The following ATXN10 variants were observed in gnomAD, a reference collection of about 807,000 sequenced individuals.
ATXN10 encodes ataxin 10.
A neutral mutation model predicts 52.9 loss-of-function variants in ATXN10; 28 were observed. The ratio of observed to expected loss-of-function variants is 0.53; its 90% confidence interval spans 0.39 to 0.73. ATXN10 has a LOEUF of 0.73. Among genes scored for constraint, ATXN10 ranks in the 30% least tolerant of loss-of-function variants. The pLI, the probability that ATXN10 is intolerant of heterozygous loss-of-function variation, is 0.00. For missense variants in ATXN10, 565 were observed against 577.0 expected, an observed-to-expected ratio of 0.98 and a Z score of 0.21; for synonymous variants, 226 against 221.5, an observed-to-expected ratio of 1.02 and a Z score of -0.18.
chr22:45,700,614 A>C (rs569407733), intron 4 of ATXN10, among the ~76,000 whole-genome samples: 112 of 152,336 alleles, frequency 7.4e-4, no homozygotes, highest in African/African-American at 2.6e-3. Flanking sequence ...ATACATATCC[A>C]AACTTTGTTC....
rs1459166859 is a variant in ATXN10 at position 45,698,795 on chromosome 22, A to G, written c.392-1487A>G. On this transcript the variant is annotated intron_variant, in intron 3 of 11. Transcript: ENST00000252934. ...ATTTTAGTTGGAATTCAGCAATGAA[A>G]TTTGGATTCAACAGTGAAACTTAGA... Among the ~76,000 whole-genome samples, 6 of 152,210 alleles carry G rather than the reference A, an allele frequency of 3.9e-5. No individual in the cohort carries two copies. The East Asian group carries it at 1.2e-3, about 29-fold the overall frequency.
At position 45,708,882 on chromosome 22, in the gene ATXN10, C is replaced by T. The variant is rs1569031096; in HGVS notation, c.647+6035C>T. The stretch of plus-strand genomic sequence containing the variant: ...TCTTGAACTCCTGACCTCAGGTGAT[C>T]TCCCCGCCTGTCTCCCAAAGTGCTG... On this transcript the variant is annotated intron_variant, in intron 5 of 11. Coordinates refer to ENST00000252934, the MANE Select transcript of ATXN10 (RefSeq NM_013236.4). The surrounding 1 kb of genome is among the most constrained non-coding windows in gnomAD (Gnocchi z 5.3). 6.6e-6 allele frequency among the ~76,000 whole-genome samples: 1 copy of T among 152,188 alleles called. No homozygotes were observed. The highest frequency in any genetic ancestry group is 1.9e-4 in the East Asian group (1 of 5,188).
Position 45,818,480 on chromosome 22 carries a change from T to C in ATXN10, c.1237+11458T>C, listed in dbSNP as rs1350984928. On this transcript the variant is annotated intron_variant, in intron 10 of 11. Coordinates refer to ENST00000252934, the MANE Select transcript of ATXN10 (RefSeq NM_013236.4). This position sits in a 1 kb window ranked among gnomAD's most constrained non-coding sequence, Gnocchi z 4.6. Reference sequence around the variant, plus strand: ...TTAAAAGCAAGACTCTGCATGCTTATTCTCACATCAGTCAGAAGACGCCAG... The same window carrying C: ...TTAAAAGCAAGACTCTGCATGCTTACTCTCACATCAGTCAGAAGACGCCAG... 1.3e-5 allele frequency among the ~76,000 whole-genome samples: 2 copies of C among 152,170 alleles called. No homozygotes were observed. The highest frequency in any genetic ancestry group is 2.4e-5 in the African/African-American group (1 of 41,438).
In ATXN10 at chr22:45,805,800, T is replaced by C. The variant is rs545131843; in HGVS notation, c.1174-1159T>C. Among the ~76,000 whole-genome samples the C allele has an allele frequency of 1.3e-5, 2 of 152,298 alleles. No homozygotes were observed. Among genetic ancestry groups the C allele is most frequent in the South Asian group, 4.2e-4 (2 of 4,816 alleles). ...GCTAATGGTTATATAACTCTGTGAA[T>C]ATACTGAAAACCACCAAATTGCACA... On this transcript the variant is annotated intron_variant, in intron 9 of 11. Coordinates refer to ENST00000252934, the MANE Select transcript of ATXN10 (RefSeq NM_013236.4). This position sits in a 1 kb window ranked among gnomAD's most constrained non-coding sequence, Gnocchi z 4.4.
intron 10 of ATXN10, among the ~76,000 whole-genome samples, chr22:45,811,028 G>C (rs2146889073): frequency 6.6e-6 from 1 of 152,280 alleles, no homozygotes; most frequent in Non-Finnish European, 1.5e-5. Flanking sequence ...ATTAGGTCAA[G>C]TTTGTAAATG....
At chr22:45,809,341 T>A (rs996485853) in intron 10 of ATXN10, among the ~76,000 whole-genome samples, 1 of 152,244 alleles carries the variant, frequency 6.6e-6, no homozygotes, top group Non-Finnish European at 1.5e-5. Flanking sequence ...TTCCTTTATT[T>A]TTTTAATTCA....
rs773259002 is a variant in ATXN10, at chr22:45,677,491, A to G, written c.116+5312A>G. On this transcript the variant is annotated intron_variant, in intron 1 of 11. Transcript: ENST00000252934. This position sits in a 1 kb window ranked among gnomAD's most constrained non-coding sequence, Gnocchi z 4.1. ...CGTTGGTGTTTAATTTAAAAATTAA[A>G]AAAAAATTCAGGCCAAAAGGTCTTA... is the stretch of plus-strand genomic sequence containing the variant. The G allele has an allele frequency of 9.9e-5, 15 of 151,170 alleles. No individual in the cohort carries two copies. Among genetic ancestry groups the G allele is most frequent in the Admixed American group, 3.3e-4 (5 of 15,250 alleles). 9.4% of individuals were successfully genotyped at this position (151,170 alleles called of 1,614,324 possible). A position where few individuals can be genotyped will look rare whatever the true frequency, so the allele number is the denominator to read the frequency against.
chr22:45,756,699 T>G (rs538165432), intron 9 of ATXN10, among the ~76,000 whole-genome samples: 1 of 152,334 alleles, frequency 6.6e-6, no homozygotes, highest in Admixed American at 6.5e-5. Flanking sequence ...CCTTTTCAGG[T>G]TGAACTTTTT....
intron 9 of ATXN10, among the ~76,000 whole-genome samples, chr22:45,746,730 A>G (rs935585748): frequency 4.6e-5 from 7 of 152,016 alleles, no homozygotes; most frequent in African/African-American, 1.7e-4. Flanking sequence ...TACCCTGTTG[A>G]CCTGTGCAGA....
At chr22:45,767,016 TG>T (rs1456434114) in intron 9 of ATXN10, among the ~76,000 whole-genome samples, 3 of 152,252 alleles carry the variant, frequency 2.0e-5, no homozygotes, top group Admixed American at 2.0e-4. Context: ...ATTCTCTTGC[TG>T]TGGTGGAAAT....
intron 1 of ATXN10, among the ~76,000 whole-genome samples, chr22:45,687,818 T>C (rs1923206312): frequency 2.0e-5 from 3 of 152,196 alleles, no homozygotes; most frequent in Admixed American, 2.0e-4. Flanking sequence ...CCCAGCACTT[T>C]GGGAGGCCGA....
rs910889288 is a variant in ATXN10, at chr22:45,775,688, G to C, written c.1174-31271G>C. ...AAATGTGACTTGCAGTATTGTTATT[G>C]AGAGAGATTTAGTGAAAAACAGCGG... On this transcript the variant is annotated intron_variant, in intron 9 of 11. Transcript: ENST00000252934. This position sits in a 1 kb window ranked among gnomAD's most constrained non-coding sequence, Gnocchi z 4.7. Among the ~76,000 whole-genome samples the C allele has an allele frequency of 1.3e-5, 2 of 152,170 alleles. No individual in the cohort carries two copies. Among genetic ancestry groups the C allele is most frequent in the African/African-American group, 4.8e-5 (2 of 41,436 alleles).
chr22:45,794,123 A>T (rs2146869034), intron 9 of ATXN10, among the ~76,000 whole-genome samples: 1 of 152,366 alleles, frequency 6.6e-6, no homozygotes, highest in East Asian at 1.9e-4. Context: ...TGGCAATGGT[A>T]AACTGACATG....
rs763377930 is a variant in ATXN10 at position 45,805,978 on chromosome 22, C to T, written c.1174-981C>T. On this transcript the variant is annotated intron_variant, in intron 9 of 11. Coordinates refer to ENST00000252934, the MANE Select transcript of ATXN10 (RefSeq NM_013236.4). The surrounding 1 kb of genome is among the most constrained non-coding windows in gnomAD (Gnocchi z 4.4). Reference sequence around the variant, plus strand: ...GGGAGTTTGAGACCAGCCTGGGCAACATAGTGAGACCTCATCTTTACAAAA... The same window carrying T: ...GGGAGTTTGAGACCAGCCTGGGCAATATAGTGAGACCTCATCTTTACAAAA... Among the ~76,000 whole-genome samples the T allele has an allele frequency of 4.6e-5, 7 of 152,146 alleles. No individual in the cohort carries two copies. The highest frequency in any genetic ancestry group is 1.0e-4 in the Non-Finnish European group (7 of 68,010).
intron 10 of ATXN10, among the ~76,000 whole-genome samples, chr22:45,834,642 C>T (rs988383710): frequency 1.3e-5 from 2 of 152,174 alleles, no homozygotes; most frequent in Admixed American, 6.5e-5. Flanking sequence ...GGAGCTACCG[C>T]CTCATAAGTA....
chr22:45,752,565 T>TTGGGGTTGGGGCTGGGGC, intron 9 of ATXN10, among the ~76,000 whole-genome samples: 1 of 82,578 alleles, frequency 1.2e-5, no homozygotes, highest in African/African-American at 4.7e-5. Flanking sequence ...GGGGTTGGGG[T>TTGGGGTTGGGGCTGGGGC]TGGGGCTGGG....
In ATXN10 at chr22:45,763,299, G is replaced by C. The variant is rs1331271189; in HGVS notation, c.1173+22761G>C. 6.6e-6 allele frequency among the ~76,000 whole-genome samples: 1 copy of C among 152,164 alleles called. No individual in the cohort carries two copies. The highest frequency in any genetic ancestry group is 1.5e-5 in the Non-Finnish European group (1 of 68,026). On this transcript the variant is annotated intron_variant, in intron 9 of 11. Coordinates refer to ENST00000252934, the MANE Select transcript of ATXN10 (RefSeq NM_013236.4). This position sits in a 1 kb window ranked among gnomAD's most constrained non-coding sequence, Gnocchi z 6.9. ...CAAGGCAGAGAAGGAAGGAACGAGG[G>C]AACTGGCTGGAGAGACTTGGAGGGC...
In ATXN10 at chr22:45,833,274, A is replaced by G. The variant is rs1210520277; in HGVS notation, c.1238-9717A>G. Reference sequence around the variant, plus strand: ...CCACCGACTTCCTGGGAGCTGCTGAAGGCGTCGGGGGAGGTGGGGTGAGGA... The same window carrying G: ...CCACCGACTTCCTGGGAGCTGCTGAGGGCGTCGGGGGAGGTGGGGTGAGGA... On this transcript the variant is annotated intron_variant, in intron 10 of 11. Transcript: ENST00000252934. The surrounding 1 kb of genome is among the most constrained non-coding windows in gnomAD (Gnocchi z 4.3). Among the ~76,000 whole-genome samples the G allele has an allele frequency of 6.6e-6, 1 of 152,104 alleles. No homozygotes were observed. The highest frequency in any genetic ancestry group is 1.5e-5 in the Non-Finnish European group (1 of 68,004).
intron 9 of ATXN10, among the ~76,000 whole-genome samples, chr22:45,743,118 G>A (rs1449470767): frequency 3.9e-5 from 6 of 152,202 alleles, no homozygotes; most frequent in African/African-American, 1.2e-4. Context: ...TCACTGGGGC[G>A]CACAGGAAGT....
Sources: allele counts gnomAD v4.1 joint callset (sites outside exome capture counted in the v4.1 genomes callset), GRCh38; gene constraint gnomAD v4.1.1; non-coding constraint Gnocchi (gnomAD v3.1); transcripts MANE v1.5; gene names NCBI Gene and HGNC (gene_info 2026-07-23, HGNC 2026-07-21).